The following SGIP1 variants were observed in gnomAD, a reference collection of about 807,000 sequenced individuals.
SGIP1 encodes SH3-containing GRB2-like protein 3-interacting protein 1.
A neutral mutation model predicts 107.5 loss-of-function variants in SGIP1; 38 were observed. The observed-to-expected ratio is 0.35, with a 90% confidence interval of 0.27 to 0.46. SGIP1 has a LOEUF of 0.46. Ranked by LOEUF, SGIP1 falls within the 20% of genes least tolerant of loss-of-function variation. The pLI is 1.00. For synonymous variants in SGIP1, 365 were observed against 366.1 expected (o/e 1.00, Z 0.03); for missense variants, 929 against 1,019.5 (o/e 0.91, Z 1.21).
At chr1:66,664,284 G>T (rs1168911978) in intron 8 of SGIP1, among the ~76,000 whole-genome samples, 1 of 152,054 alleles carries the variant, frequency 6.6e-6, no homozygotes, top group Non-Finnish European at 1.5e-5. Context: ...ATCCAGGCAG[G>T]TTTATAAGAA....
intron 2 of SGIP1, among the ~76,000 whole-genome samples, chr1:66,627,004 TTA>T (rs2072982537): frequency 6.6e-6 from 1 of 152,176 alleles, no homozygotes; most frequent in Non-Finnish European, 1.5e-5. Flanking sequence ...CTTTAAGAAT[TTA>T]TGATTCATGA....
At chr1:66,542,360 A>G (rs1311502900) in intron 1 of SGIP1, among the ~76,000 whole-genome samples, 1 of 152,210 alleles carries the variant, frequency 6.6e-6, no homozygotes, top group Non-Finnish European at 1.5e-5. Flanking sequence ...GTCTGTCTCA[A>G]AATATTTTGT....
chr1:66,666,593 C>A (rs2082600920), intron 8 of SGIP1: 1 of 152,464 alleles, frequency 6.6e-6, no homozygotes, highest in South Asian at 2.1e-4. Context: ...ATTGATTCTT[C>A]CTATCCATGA....
intron 11 of SGIP1, among the ~76,000 whole-genome samples, chr1:66,672,771 G>A (rs1571608241): frequency 6.6e-6 from 1 of 151,662 alleles, no homozygotes; most frequent in East Asian, 1.9e-4. Flanking sequence ...CTATCTTGGA[G>A]TATTAGGAGG....
At chr1:66,580,338 G>T (rs1012452418) in intron 1 of SGIP1, among the ~76,000 whole-genome samples, 2 of 152,118 alleles carry the variant, frequency 1.3e-5, no homozygotes, top group African/African-American at 4.8e-5. Flanking sequence ...TCTTGTCTAA[G>T]GGTCTTTGCG....
intron 12 of SGIP1, 68 bp downstream of exon 12, chr1:66,673,434 T>G: frequency 7.5e-7 from 1 of 1,331,528 alleles, no homozygotes; most frequent in South Asian, 1.5e-5. Flanking sequence ...TCTTCTAGAT[T>G]AAATGTATGT....
Position 66,682,323 on chromosome 1 carries a change from T to A in SGIP1, c.1269T>A (p.Val423=). ...CACCACCCACCTACAGGACTGTGGT[T>A]TCGTCCCCCGGACCTGGCTCGGGCC... is the stretch of plus-strand genomic sequence containing the variant. The part of the protein sequence containing the change: ...PPPPPTYRTV[V]SSPGPGSGPG... The change falls in exon 15 of 25, where the codon GTT becomes GTA. Residue 423 remains valine (V), a synonymous_variant. Coordinates refer to ENST00000371037, the MANE Select transcript of SGIP1 (RefSeq NM_032291.4). 6.2e-7 allele frequency: 1 copy of A among 1,614,166 alleles called. No individual in the cohort carries two copies. Among genetic ancestry groups the A allele is most frequent in the South Asian group, 1.1e-5 (1 of 91,078 alleles).
intron 1 of SGIP1, among the ~76,000 whole-genome samples, chr1:66,571,726 A>G (rs2060410291): frequency 6.6e-6 from 1 of 151,966 alleles, no homozygotes; most frequent in African/African-American, 2.4e-5. Context: ...TCCCTTTATA[A>G]AATGGCCCCA....
At chr1:66,721,791 G>T (rs1453104713) in intron 19 of SGIP1, among the ~76,000 whole-genome samples, 1 of 152,108 alleles carries the variant, frequency 6.6e-6, no homozygotes, top group Non-Finnish European at 1.5e-5. Context: ...ACACAAGAAT[G>T]AATTCATCTT....
chr1:66,645,841 TTTG>T (rs367871171), intron 7 of SGIP1, among the ~76,000 whole-genome samples: 6 of 152,018 alleles, frequency 3.9e-5, no homozygotes, highest in East Asian at 1.9e-4. Context: ...TATAGATAGT[TTTG>T]TTGTTGTTGT....
intron 5 of SGIP1, among the ~76,000 whole-genome samples, chr1:66,640,163 C>A (rs2076509285): frequency 6.6e-6 from 1 of 152,144 alleles, no homozygotes; most frequent in South Asian, 2.1e-4. Context: ...AGATTGGACA[C>A]CCTGATCTAG....
At chr1:66,631,082 A>AGAAAGAAT (rs2074524902) in intron 2 of SGIP1, among the ~76,000 whole-genome samples, 1 of 143,508 alleles carries the variant, frequency 7.0e-6, no homozygotes, top group African/African-American at 2.5e-5. Flanking sequence ...AAAGAAAGAA[A>AGAAAGAAT]GAAAGAAAGA....
At chr1:66,583,202 AT>A (rs1271995537) in intron 1 of SGIP1, among the ~76,000 whole-genome samples, 1 of 152,098 alleles carries the variant, frequency 6.6e-6, no homozygotes, top group Non-Finnish European at 1.5e-5. Context: ...CGTGGTTTTG[AT>A]GAGACTGAAA....
rs779762396 is a variant in SGIP1, at chr1:66,682,298, C to T, written c.1244C>T (p.Pro415Leu). The T allele has an allele frequency of 6.2e-7, 1 of 1,614,110 alleles. No individual in the cohort carries two copies. Among genetic ancestry groups the T allele is most frequent in the East Asian group, 2.2e-5 (1 of 44,888 alleles). The change falls in exon 15 of 25, where the codon CCA (proline) becomes CTA (leucine). Residue 415 changes from proline (P) to leucine (L), a missense_variant. Coordinates refer to ENST00000371037, the MANE Select transcript of SGIP1 (RefSeq NM_032291.4). ...LGQRATPPPP[P>L]PPTYRTVVSS... ...CAAAGAGCAACTCCACCTCCCCCAC[C>T]ACCACCCACCTACAGGACTGTGGTT...
At chr1:66,734,505 G>GTT (rs1324641803) in intron 21 of SGIP1, among the ~76,000 whole-genome samples, 60 of 131,746 alleles carry the variant, frequency 4.6e-4, no homozygotes, top group Non-Finnish European at 6.1e-4. Context: ...GATTTTTTTG[G>GTT]TTTTTTTTTT....
At chr1:66,575,971 G>A (rs1193932099) in intron 1 of SGIP1, among the ~76,000 whole-genome samples, 1 of 152,164 alleles carries the variant, frequency 6.6e-6, no homozygotes, top group Non-Finnish European at 1.5e-5. Flanking sequence ...TGTCTAGTCT[G>A]CAGGACCCGT....
rs2089434757 is a variant in SGIP1, at chr1:66,689,901, C to T, written c.1444-289C>T. ...GAGTATGAGTTCTCACTCTGTGTTA[C>T]CTGCTGAGTCCCTGAGGGCATGTGA... On this transcript the variant is annotated intron_variant, in intron 16 of 24. Transcript: ENST00000371037. Among the ~76,000 whole-genome samples, 8 of 152,312 alleles carry T rather than the reference C, an allele frequency of 5.3e-5. No homozygotes were observed. In the South Asian group the frequency reaches 1.7e-3, roughly 32 times the overall value.
chr1:66,731,430 T>C (rs749097899), intron 20 of SGIP1, among the ~76,000 whole-genome samples: 4 of 152,160 alleles, frequency 2.6e-5, no homozygotes, highest in African/African-American at 4.8e-5. Flanking sequence ...AAAAGTTGTA[T>C]ACATATATTA....
intron 11 of SGIP1, among the ~76,000 whole-genome samples, chr1:66,672,568 C>A (rs1376340346): frequency 4.6e-5 from 7 of 152,180 alleles, no homozygotes; most frequent in Non-Finnish European, 1.0e-4. Flanking sequence ...CTCTTCACCC[C>A]TTGCCCGTTA....
Sources: gnomAD v4.1 joint callset for allele counts (sites outside exome capture counted in the v4.1 genomes callset) on GRCh38, gnomAD v4.1.1 for gene constraint, MANE v1.5 for transcripts, NCBI Gene and HGNC (gene_info 2026-07-23, HGNC 2026-07-21) for gene names.